The following KCTD1 variants were observed in gnomAD, a reference collection of about 807,000 sequenced individuals.
KCTD1 encodes BTB/POZ domain-containing protein KCTD1.
Under a neutral mutation model 66.0 loss-of-function variants are expected in KCTD1, and 24 were observed. The observed-to-expected ratio is 0.36, with a 90% CI of 0.26 to 0.51. The LOEUF is 0.51. Among genes scored for constraint, KCTD1 ranks in the 20% least tolerant of loss-of-function variants. The pLI is 0.95. For synonymous variants in KCTD1, 511 were observed against 517.2 expected, an observed-to-expected ratio of 0.99 and a Z score of 0.16; for missense variants, 943 against 1,205.2, an observed-to-expected ratio of 0.78 and a Z score of 3.22.
intron 2 of KCTD1, among the ~76,000 whole-genome samples, chr18:26,498,395 T>C (rs1159123926): frequency 6.6e-6 from 1 of 151,086 alleles, no homozygotes; most frequent in African/African-American, 2.4e-5. Context: ...GAGATGCTTT[T>C]ATAAAAACAT....
intron 1 of KCTD1, among the ~76,000 whole-genome samples, chr18:26,561,668 A>C (rs1407529489): frequency 6.6e-6 from 1 of 152,234 alleles, no homozygotes; most frequent in African/African-American, 2.4e-5. Flanking sequence ...AGATTTGTCA[A>C]GCCAAGTGGT....
intron 2 of KCTD1, 96 bp downstream of exon 2, chr18:26,500,974 CCT>C: frequency 7.4e-7 from 1 of 1,348,774 alleles, no homozygotes; most frequent in African/African-American, 1.4e-5. Context: ...CATCCTGCCC[CCT>C]GCCTCCACGA....
At chr18:26,606,558 G>C (rs1394597095) in intron 1 of KCTD1, among the ~76,000 whole-genome samples, 1 of 152,192 alleles carries the variant, frequency 6.6e-6, no homozygotes, top group East Asian at 1.9e-4. Flanking sequence ...GCCTAAAGAG[G>C]CCGTGTGTGC....
chr18:26,620,348 T>TAAAAAAA (rs10594272), intron 1 of KCTD1, among the ~76,000 whole-genome samples: 3 of 87,206 alleles, frequency 3.4e-5, no homozygotes, highest in East Asian at 3.6e-4. Context: ...AGGTAAATCT[T>TAAAAAAA]AAAAAAAAAA....
intron 1 of KCTD1, among the ~76,000 whole-genome samples, chr18:26,521,252 T>G (rs1396452562): frequency 3.3e-5 from 5 of 152,258 alleles, no homozygotes; most frequent in Non-Finnish European, 7.3e-5. Context: ...GTGCCCACTG[T>G]GTGTTAGGCA....
intron 1 of KCTD1, among the ~76,000 whole-genome samples, chr18:26,612,388 C>T (rs1199082713): frequency 6.6e-6 from 1 of 152,164 alleles, no homozygotes; most frequent in Admixed American, 6.5e-5. Flanking sequence ...CAGAATGTAA[C>T]TGATTTGGAA....
intron 3 of KCTD1, among the ~76,000 whole-genome samples, chr18:26,471,092 A>G (rs1247013828): frequency 6.6e-6 from 1 of 152,086 alleles, no homozygotes; most frequent in African/African-American, 2.4e-5. Context: ...CTCTGGGAGG[A>G]CGTGCAGGTC....
chr18:26,626,673 A>C (rs527496884), intron 1 of KCTD1, among the ~76,000 whole-genome samples: 2 of 152,010 alleles, frequency 1.3e-5, no homozygotes, highest in African/African-American at 2.4e-5. Flanking sequence ...CAGGGTCTCT[A>C]TATGTTGCCT....
chr18:26,496,928 T>C (rs1044963231), intron 2 of KCTD1, among the ~76,000 whole-genome samples: 9 of 152,174 alleles, frequency 5.9e-5, no homozygotes, highest in African/African-American at 2.2e-4. Context: ...CAGAGTCAGA[T>C]GGTGAAAATC....
intron 1 of KCTD1, among the ~76,000 whole-genome samples, chr18:26,604,924 T>C (rs1234422352): frequency 1.3e-5 from 2 of 152,148 alleles, no homozygotes; most frequent in Middle Eastern, 3.2e-3. Context: ...ACTCAGGAAG[T>C]AGGCCTGCAG....
At chr18:26,561,648 A>G (rs1399849759) in intron 1 of KCTD1, among the ~76,000 whole-genome samples, 2 of 152,212 alleles carry the variant, frequency 1.3e-5, no homozygotes, top group Non-Finnish European at 2.9e-5. Flanking sequence ...ACAGCCACTG[A>G]TGAAGGGACA....
At chr18:26,495,955 C>G (rs909073334) in intron 2 of KCTD1, among the ~76,000 whole-genome samples, 3 of 152,124 alleles carry the variant, frequency 2.0e-5, no homozygotes, top group African/African-American at 7.2e-5. Context: ...ATGAATAGAT[C>G]TAACTTTGAA....
chr18:26,638,882 G>T (rs1987777553), intron 1 of KCTD1, among the ~76,000 whole-genome samples: 1 of 152,194 alleles, frequency 6.6e-6, no homozygotes, highest in Non-Finnish European at 1.5e-5. Context: ...AAAAAGTCTT[G>T]CAAAATTCCC....
intron 1 of KCTD1, among the ~76,000 whole-genome samples, chr18:26,621,603 C>A (rs1394031856): frequency 1.3e-5 from 2 of 152,136 alleles, no homozygotes; most frequent in South Asian, 2.1e-4. Context: ...TAAGGAAATG[C>A]ACTAATAGGA....
chr18:26,515,064 T>C (rs1432987084), intron 1 of KCTD1, among the ~76,000 whole-genome samples: 1 of 152,236 alleles, frequency 6.6e-6, no homozygotes, highest in African/African-American at 2.4e-5. Context: ...ATCTGTGTTC[T>C]TGGAGATATA....
chr18:26,617,928 GAAAA>G (rs199828453), intron 1 of KCTD1, among the ~76,000 whole-genome samples: 1 of 136,626 alleles, frequency 7.3e-6, no homozygotes, highest in Non-Finnish European at 1.6e-5. Context: ...CAAAAAGAAG[GAAAA>G]AAAAAAAAGG....
At chr18:26,527,442 G>C (rs1341862345) in intron 1 of KCTD1, among the ~76,000 whole-genome samples, 1 of 123,028 alleles carries the variant, frequency 8.1e-6, no homozygotes, top group Non-Finnish European at 1.6e-5. Context: ...AGGTGAGGCT[G>C]AAAAACACAT....
In KCTD1 at chr18:26,578,341, C is replaced by T. The variant is rs146019400; in HGVS notation, c.-16+50806G>A. ...ATTGCTGTTTATAAAAGAACTGAAC[C>T]GCCTTTAATGAAAACATATTTACAC... On this transcript the variant is annotated intron_variant, in intron 1 of 4. Transcript: ENST00000317932. 6.8e-4 allele frequency among the ~76,000 whole-genome samples: 103 copies of T among 152,134 alleles called. 2 individuals are homozygous for T. In the Middle Eastern group the frequency reaches 0.01, roughly 15 times the overall value.
At chr18:26,631,388 C>T (rs897630499), upstream of KCTD1, among the ~76,000 whole-genome samples, 8 of 152,156 alleles carry the variant, frequency 5.3e-5, no homozygotes, top group Middle Eastern at 3.2e-3. Context: ...TGCTCCTAGG[C>T]CACAAACCTG....
Sources: gnomAD v4.1 joint callset for allele counts (sites outside exome capture counted in the v4.1 genomes callset) on GRCh38, gnomAD v4.1.1 for gene constraint, MANE v1.5 for transcripts, NCBI Gene and HGNC (gene_info 2026-07-23, HGNC 2026-07-21) for gene names.